Variants in UNC80 observed in about 807,000 individuals in gnomAD.
The protein encoded by UNC80 is unc-80 subunit of NALCN channel complex, also known as protein unc-80 homolog.
UNC80 carries 164 observed loss-of-function variants against 384.6 expected under a neutral mutation model. That is an observed-to-expected ratio of 0.43 (90% CI 0.38 to 0.49). The LOEUF (loss-of-function observed/expected upper bound fraction) is 0.49, where lower values mean the gene tolerates loss of function less well. UNC80 is among the 20% of genes least tolerant of loss of function. The probability of loss-of-function intolerance (pLI) is 0.00; values close to 1 mark genes in which losing one functional copy is unlikely to be tolerated. For missense variants in UNC80, 3,330 were observed against 4,143.0 expected, an observed-to-expected ratio of 0.80 and a Z score of 5.39; for synonymous variants, 1,486 against 1,527.8, an observed-to-expected ratio of 0.97 and a Z score of 0.64.
intron 21 of UNC80, among the ~76,000 whole-genome samples, chr2:209,848,292 T>TA (rs2082296662): frequency 6.6e-6 from 1 of 151,966 alleles, no homozygotes; most frequent in African/African-American, 2.4e-5. Context: ...TTGCATATGA[T>TA]AAAAAATATG....
Position 209,957,640 on chromosome 2 carries a change from A to G in UNC80, c.7458-4A>G. 1 of 1,550,090 alleles carries G rather than the reference A, an allele frequency of 6.5e-7. No individual in the cohort carries two copies. The stretch of plus-strand genomic sequence containing the variant: ...TGCTGTGGTGATTACTGTCATTGTT[A>G]CAGGCCCATGACAGCCCCACAGATG... On this transcript the variant is annotated splice_region_variant and splice_polypyrimidine_tract_variant and intron_variant, in intron 48 of 64. Transcript: ENST00000673920.
rs1006163245 is a variant in UNC80, at chr2:209,948,266, G to A, written c.7286+2323G>A. The stretch of plus-strand genomic sequence containing the variant: ...TAGATACTACCAAAAAGTTTTCCAA[G>A]GTGGTTTCAATTTTCATTCCCACCA... On this transcript the variant is annotated intron_variant, in intron 47 of 64. Transcript: ENST00000673920. Among the ~76,000 whole-genome samples the A allele has an allele frequency of 9.2e-5, 14 of 152,154 alleles. No homozygotes were observed. The South Asian group carries it at 1.5e-3, about 16-fold the overall frequency.
chr2:209,983,336 A>G (rs1311444714), intron 60 of UNC80, among the ~76,000 whole-genome samples: 1 of 130,618 alleles, frequency 7.7e-6, no homozygotes, highest in Non-Finnish European at 1.7e-5. Flanking sequence ...ATGATAAATC[A>G]TTAATAAACA....
intron 29 of UNC80, among the ~76,000 whole-genome samples, chr2:209,905,261 A>G (rs879768581): frequency 1.3e-5 from 2 of 152,214 alleles, no homozygotes; most frequent in Non-Finnish European, 2.9e-5. Flanking sequence ...CCTCTCCCAC[A>G]AAGACATTCA....
rs138090519 is a variant in UNC80 at position 209,854,518 on chromosome 2, C to T, written c.3627+4895C>T. Among the ~76,000 whole-genome samples, 395 of 151,994 alleles carry T rather than the reference C, an allele frequency of 2.6e-3. 6 individuals carry two copies. The highest frequency in any genetic ancestry group is 0.02 in the Admixed American group (300 of 15,244). The stretch of plus-strand genomic sequence containing the variant: ...AACTATCATCAGAATGAACAGACAA[C>T]CTACTGAATGGGAGAAAATTTTTGC... On this transcript the variant is annotated intron_variant, in intron 22 of 64. Coordinates refer to ENST00000673920, the MANE Select transcript of UNC80 (RefSeq NM_001371986.1).
chr2:209,856,954 T>C (rs2082980410), intron 22 of UNC80, among the ~76,000 whole-genome samples: 1 of 151,898 alleles, frequency 6.6e-6, no homozygotes, highest in Non-Finnish European at 1.5e-5. Flanking sequence ...CATGCCTGGC[T>C]AAGTTTTGTA....
Position 209,839,535 on chromosome 2 carries a change from A to G in UNC80, c.3250+105A>G. On this transcript the variant is annotated intron_variant, in intron 19 of 64. Coordinates refer to ENST00000673920, the MANE Select transcript of UNC80 (RefSeq NM_001371986.1). This position sits in a 1 kb window ranked among gnomAD's most constrained non-coding sequence, Gnocchi z 4.1. ...GGCCGAAAAAGAAGACCTTCAAGTC[A>G]TAAGACCTAGACTGACTTCATTCAT... 4 of 1,188,712 alleles carry G rather than the reference A, an allele frequency of 3.4e-6. No individual in the cohort carries two copies. Among genetic ancestry groups the G allele is most frequent in the Non-Finnish European group, 4.8e-6 (4 of 836,452 alleles). The allele number at this position is 1,188,712 out of a possible 1,614,324, so 73.6% of individuals were successfully genotyped here.
rs142269590 is a variant in UNC80 at position 209,970,283 on chromosome 2, T to C, written c.8130+392T>C. The C allele has an allele frequency of 1.4e-4, 27 of 197,280 alleles. No individual in the cohort carries two copies. The East Asian group carries it at 2.8e-3, about 20-fold the overall frequency. The allele number at this position is 197,280 out of a possible 1,614,324, so 12.2% of individuals were successfully genotyped here. A position where few individuals can be genotyped will look rare whatever the true frequency, so the allele number is the denominator to read the frequency against. ...TTTCTCTTATGGTGCAAAATGACAC[T>C]ATGAGTTGGCCAGTCTAGGATTTAT... is the stretch of plus-strand genomic sequence containing the variant. On this transcript the variant is annotated intron_variant, in intron 53 of 64. Coordinates refer to ENST00000673920, the MANE Select transcript of UNC80 (RefSeq NM_001371986.1).
intron 24 of UNC80, among the ~76,000 whole-genome samples, chr2:209,880,144 C>G (rs2085155636): frequency 6.6e-6 from 1 of 152,046 alleles, no homozygotes; most frequent in African/African-American, 2.4e-5. Context: ...TCTACATCAT[C>G]CTGTGTCATC....
chr2:209,861,192 G>A (rs973302158), intron 22 of UNC80, among the ~76,000 whole-genome samples: 1 of 152,076 alleles, frequency 6.6e-6, no homozygotes, highest in Non-Finnish European at 1.5e-5. Flanking sequence ...GTTTGTCATC[G>A]ATAGCTCTTA....
At chr2:209,944,572 C>T (rs1187667656) in intron 45 of UNC80, among the ~76,000 whole-genome samples, 2 of 152,018 alleles carry the variant, frequency 1.3e-5, no homozygotes, top group Non-Finnish European at 2.9e-5. Context: ...TTTGTTGTTT[C>T]AGTGAATTAT....
chr2:209,772,050 T>A lies in UNC80; in HGVS notation c.-23T>A, dbSNP rs1174449172. On this transcript the variant is annotated 5_prime_UTR_variant, in exon 1 of 65. It removes the in-frame stop codon of an upstream open reading frame in the 5' UTR. Transcript: ENST00000673920. ...GAGGAGACAGAGCTGGGTCCTGCAGTAGGACTCCCGGGAGCCACCATTATG... is the reference window on the plus strand; with the variant it reads ...GAGGAGACAGAGCTGGGTCCTGCAGAAGGACTCCCGGGAGCCACCATTATG... The A allele has an allele frequency of 4.6e-6, 7 of 1,534,702 alleles. No homozygotes were observed. Among genetic ancestry groups the A allele is most frequent in the African/African-American group, 1.4e-5 (1 of 72,418 alleles).
chr2:209,828,069 A>G (rs2080672363), intron 14 of UNC80, among the ~76,000 whole-genome samples: 1 of 152,202 alleles, frequency 6.6e-6, no homozygotes, highest in African/African-American at 2.4e-5. Context: ...AAACATTTTA[A>G]TATCCTCTAA....
intron 25 of UNC80, among the ~76,000 whole-genome samples, chr2:209,885,617 T>C (rs2085720960): frequency 6.6e-6 from 1 of 152,164 alleles, no homozygotes; most frequent in Non-Finnish European, 1.5e-5. Flanking sequence ...ATTTATAGAA[T>C]ATTCTTGATG....
At chr2:209,775,398 T>A (rs1004109222) in intron 2 of UNC80, among the ~76,000 whole-genome samples, 7 of 152,162 alleles carry the variant, frequency 4.6e-5, no homozygotes, top group African/African-American at 1.7e-4. Context: ...TGCTAAGCCA[T>A]GAGATAAATC....
intron 7 of UNC80, chr2:209,809,428 C>T (rs562023073): frequency 3.4e-6 from 5 of 1,458,736 alleles, no homozygotes; most frequent in South Asian, 1.1e-5. Context: ...CCACTGCAGC[C>T]GTGCCTTCGC....
At chr2:209,834,198 T>C (rs2081188341) in intron 17 of UNC80, 30 bp downstream of exon 17, 1 of 1,549,032 alleles carries the variant, frequency 6.5e-7, no homozygotes, top group Non-Finnish European at 8.7e-7. Flanking sequence ...TGAATATTAC[T>C]GTTTGCCTTA....
At chr2:209,874,586 T>C (rs1199304411) in intron 23 of UNC80, among the ~76,000 whole-genome samples, 1 of 152,206 alleles carries the variant, frequency 6.6e-6, no homozygotes, top group East Asian at 1.9e-4. Flanking sequence ...GCTTCAGAGT[T>C]TCCTTGCACC....
In UNC80 at chr2:209,933,819, T is replaced by C. The variant is rs1430836374; in HGVS notation, c.5995-3T>C. 3 of 1,549,154 alleles carry C rather than the reference T, an allele frequency of 1.9e-6. No homozygotes were observed. The highest frequency in any genetic ancestry group is 2.0e-5 in the Admixed American group (1 of 50,746). On this transcript the variant is annotated splice_polypyrimidine_tract_variant and splice_region_variant and intron_variant, in intron 38 of 64. Transcript: ENST00000673920. ...TGTGAACTCTTCTTATACTGACTTC[T>C]AGGTAGGATTAATCATGTACTTTGT...
Sources: allele counts gnomAD v4.1 joint callset (sites outside exome capture counted in the v4.1 genomes callset), GRCh38; gene constraint gnomAD v4.1.1; non-coding constraint Gnocchi (gnomAD v3.1); transcripts MANE v1.5; gene names NCBI Gene and HGNC (gene_info 2026-07-23, HGNC 2026-07-21).